Variants in CPPED1 observed in about 807,000 individuals in gnomAD.
CPPED1 encodes serine/threonine-protein phosphatase CPPED1.
CPPED1 carries 28 observed loss-of-function variants against 28.0 expected under a neutral mutation model. The ratio of observed to expected loss-of-function variants is 1.00; its 90% confidence interval spans 0.74 to 1.37. The LOEUF (loss-of-function observed/expected upper bound fraction) is 1.37. CPPED1 is among the 40% of genes most tolerant of loss of function. The pLI is 0.00. For missense variants in CPPED1, 504 were observed against 416.5 expected (o/e 1.21, Z -1.83); for synonymous variants, 198 against 180.2 (o/e 1.10, Z -0.79).
At chr16:12,672,519 G>A (rs531587791) in intron 3 of CPPED1, among the ~76,000 whole-genome samples, 29 of 152,314 alleles carry the variant, frequency 1.9e-4, no homozygotes, top group African/African-American at 5.5e-4. Flanking sequence ...CAAAAACATC[G>A]TGTGATCCTG....
chr16:12,724,941 CACG>C (rs2080162219), intron 2 of CPPED1, among the ~76,000 whole-genome samples: 1 of 151,988 alleles, frequency 6.6e-6, no homozygotes, highest in Non-Finnish European at 1.5e-5. Context: ...CACCTGCCAC[CACG>C]CCCGGCTAAT....
chr16:12,774,973 A>G (rs2080489378), intron 2 of CPPED1, among the ~76,000 whole-genome samples: 2 of 152,072 alleles, frequency 1.3e-5, no homozygotes, highest in South Asian at 4.1e-4. Context: ...GGTGTGCACC[A>G]CCATGCCTGG....
chr16:12,776,412 T>G (rs1261821610), intron 2 of CPPED1, among the ~76,000 whole-genome samples: 1 of 152,206 alleles, frequency 6.6e-6, no homozygotes, highest in Non-Finnish European at 1.5e-5. Flanking sequence ...AATACTGATA[T>G]GGTTTTGCTG....
intron 2 of CPPED1, among the ~76,000 whole-genome samples, chr16:12,740,292 A>G (rs547472910): frequency 1.3e-5 from 2 of 152,114 alleles, no homozygotes; most frequent in South Asian, 4.2e-4. Context: ...CAAAAATACA[A>G]AAATTAGCCG....
At chr16:12,788,555 G>A (rs1236233785) in intron 1 of CPPED1, among the ~76,000 whole-genome samples, 1 of 152,066 alleles carries the variant, frequency 6.6e-6, no homozygotes, top group Non-Finnish European at 1.5e-5. Context: ...TAAACCAAGG[G>A]GGAGATGCTG....
intron 2 of CPPED1, chr16:12,745,849 A>G (rs1432552426): frequency 2.0e-5 from 3 of 152,216 alleles, no homozygotes; most frequent in Non-Finnish European, 2.9e-5. Flanking sequence ...TAAACCTAAA[A>G]TAAAGATGAA....
At chr16:12,672,518 C>T (rs1053436347) in intron 3 of CPPED1, among the ~76,000 whole-genome samples, 4 of 152,196 alleles carry the variant, frequency 2.6e-5, no homozygotes, top group African/African-American at 9.7e-5. Context: ...GCAAAAACAT[C>T]GTGTGATCCT....
At chr16:12,677,366 C>T (rs1396140010) in intron 3 of CPPED1, among the ~76,000 whole-genome samples, 6 of 152,232 alleles carry the variant, frequency 3.9e-5, no homozygotes, top group African/African-American at 1.4e-4. Flanking sequence ...TGGCTGGGCG[C>T]GGTGGCTTAT....
intron 2 of CPPED1, among the ~76,000 whole-genome samples, chr16:12,734,901 G>A (rs1343192837): frequency 1.3e-5 from 2 of 152,102 alleles, no homozygotes; most frequent in Admixed American, 1.3e-4. Context: ...GGTGGTAAAG[G>A]GATCCTGTCT....
chr16:12,738,440 C>T (rs985930734), intron 2 of CPPED1, among the ~76,000 whole-genome samples: 8 of 151,770 alleles, frequency 5.3e-5, no homozygotes, highest in Non-Finnish European at 1.0e-4. Context: ...CACACACTCG[C>T]GCACACACAC....
chr16:12,769,296 A>T (rs578174072), intron 2 of CPPED1, among the ~76,000 whole-genome samples: 7 of 152,310 alleles, frequency 4.6e-5, no homozygotes, highest in South Asian at 2.1e-4. Context: ...CCGTATTTCA[A>T]TAGAATTGGT....
chr16:12,796,557 T>TA (rs1190275549), intron 1 of CPPED1, among the ~76,000 whole-genome samples: 2 of 151,988 alleles, frequency 1.3e-5, no homozygotes, highest in African/African-American at 4.8e-5. Flanking sequence ...ATGGTTATAA[T>TA]AAAAAAGAGT....
intron 1 of CPPED1, among the ~76,000 whole-genome samples, chr16:12,786,860 C>T (rs550124083): frequency 7.3e-4 from 111 of 152,236 alleles, no homozygotes; most frequent in Admixed American, 1.3e-3. Context: ...TGCAGTGAGC[C>T]GAGATCGTGC....
At chr16:12,789,233 C>G (rs2080581865) in intron 1 of CPPED1, among the ~76,000 whole-genome samples, 1 of 152,154 alleles carries the variant, frequency 6.6e-6, no homozygotes, top group South Asian at 2.1e-4. Flanking sequence ...CCCCACCTGG[C>G]CCAATTTACC....
At chr16:12,673,533 T>C (rs2079863070) in intron 3 of CPPED1, among the ~76,000 whole-genome samples, 1 of 152,174 alleles carries the variant, frequency 6.6e-6, no homozygotes. Context: ...TTGAGTGGCA[T>C]TAACAGAGAG....
chr16:12,748,664 T>C (rs895484783), intron 2 of CPPED1, among the ~76,000 whole-genome samples: 3 of 152,092 alleles, frequency 2.0e-5, no homozygotes, highest in Admixed American at 1.3e-4. Flanking sequence ...GGTGGGCGGA[T>C]CATGAGGTCA....
intron 1 of CPPED1, among the ~76,000 whole-genome samples, chr16:12,794,723 A>T (rs747669180): frequency 2.4e-4 from 36 of 152,202 alleles, no homozygotes; most frequent in Non-Finnish European, 1.2e-4. Context: ...CGGATCTTAG[A>T]GCATTTTGCA....
At chr16:12,722,828 C>T (rs937257248) in intron 2 of CPPED1, among the ~76,000 whole-genome samples, 13 of 152,176 alleles carry the variant, frequency 8.5e-5, no homozygotes, top group African/African-American at 2.4e-4. Flanking sequence ...TTCCCACGGA[C>T]CCCAAGGCTG....
In CPPED1 at chr16:12,664,510, T is replaced by C. The variant is rs904177108; in HGVS notation, c.*376A>G. The C allele has an allele frequency of 4.4e-5, 47 of 1,065,124 alleles. No individual in the cohort carries two copies. Among genetic ancestry groups the C allele is most frequent in the Non-Finnish European group, 5.3e-5 (47 of 880,978 alleles). 66.0% of individuals were successfully genotyped at this position (1,065,124 alleles called of 1,614,324 possible). On this transcript the variant is annotated 3_prime_UTR_variant, in exon 4 of 4. Transcript: ENST00000381774. The surrounding 1 kb of genome is among the most constrained non-coding windows in gnomAD (Gnocchi z 4.2). Reference sequence around the variant, plus strand: ...AGTTTGTTTAAGGAATTATCAAAGATCATACTTGGCTGTCAGATTGGAATT... The same window carrying C: ...AGTTTGTTTAAGGAATTATCAAAGACCATACTTGGCTGTCAGATTGGAATT...
Sources: gnomAD v4.1 joint callset for allele counts (sites outside exome capture counted in the v4.1 genomes callset) on GRCh38, gnomAD v4.1.1 for gene constraint, Gnocchi (gnomAD v3.1) non-coding constraint, MANE v1.5 for transcripts, NCBI Gene and HGNC (gene_info 2026-07-23, HGNC 2026-07-21) for gene names.